Variants in CTNNA2 observed in about 807,000 individuals in gnomAD.
The protein encoded by CTNNA2 is catenin alpha-2.
A neutral mutation model predicts 101.0 loss-of-function variants in CTNNA2; 42 were observed. The observed-to-expected ratio is 0.42, with a 90% CI of 0.32 to 0.54. CTNNA2 has a LOEUF of 0.54. CTNNA2 is among the 20% of genes least tolerant of loss of function. The pLI is 0.14. For missense variants in CTNNA2, 871 were observed against 1,223.1 expected, an observed-to-expected ratio of 0.71 and a Z score of 4.29; for synonymous variants, 450 against 456.4, an observed-to-expected ratio of 0.99 and a Z score of 0.18.
At chr2:79,925,123 A>C (rs1261588140) in intron 7 of CTNNA2, among the ~76,000 whole-genome samples, 1 of 152,052 alleles carries the variant, frequency 6.6e-6, no homozygotes, top group Non-Finnish European at 1.5e-5. Context: ...TAGAACCACA[A>C]GATCCTTGTA....
intron 7 of CTNNA2, among the ~76,000 whole-genome samples, chr2:80,246,563 G>A (rs956426063): frequency 1.4e-4 from 22 of 152,174 alleles, no homozygotes; most frequent in African/African-American, 5.3e-4. Context: ...TTCAGTAGTT[G>A]CGCTCAAATG....
intron 11 of CTNNA2, among the ~76,000 whole-genome samples, chr2:80,546,318 T>G (rs1444399842): frequency 6.6e-5 from 10 of 152,192 alleles, no homozygotes; most frequent in Non-Finnish European, 1.5e-5. Flanking sequence ...TTTTAGTGTT[T>G]GGAGTTTATA....
rs1366382733 is a variant in CTNNA2 at position 79,487,340 on chromosome 2, A to G, written c.-134-17714A>G. 3.3e-5 allele frequency among the ~76,000 whole-genome samples: 5 copies of G among 152,338 alleles called. No individual in the cohort carries two copies. In the East Asian group the frequency reaches 9.6e-4, roughly 29 times the overall value. Reference sequence around the variant, plus strand: ...GAATTCCGCCAATTTGTTTCTTTTCATATAAACATGCTGCTTCTCATATAA... The same window carrying G: ...GAATTCCGCCAATTTGTTTCTTTTCGTATAAACATGCTGCTTCTCATATAA... On this transcript the variant is annotated intron_variant, in intron 4 of 21. Transcript: ENST00000466387.
chr2:80,575,277 G>C (rs1237080697), intron 13 of CTNNA2: 11 of 152,076 alleles, frequency 7.2e-5, no homozygotes, highest in Non-Finnish European at 2.9e-5. Flanking sequence ...AAATATTCTA[G>C]TAAACACACT....
At chr2:80,480,367 A>G (rs1456898336) in intron 9 of CTNNA2, among the ~76,000 whole-genome samples, 2 of 152,022 alleles carry the variant, frequency 1.3e-5, no homozygotes, top group Admixed American at 6.6e-5. Context: ...TCAGACCTAT[A>G]AAATAAAAGC....
chr2:79,643,490 C>T (rs1314680413), intron 1 of CTNNA2, among the ~76,000 whole-genome samples: 1 of 152,076 alleles, frequency 6.6e-6, no homozygotes, highest in African/African-American at 2.4e-5. Flanking sequence ...TGGGGTGGGT[C>T]CCGGAATTTG....
intron 1 of CTNNA2, among the ~76,000 whole-genome samples, chr2:79,611,322 A>T (rs1331622713): frequency 1.3e-5 from 2 of 152,076 alleles, no homozygotes; most frequent in Non-Finnish European, 2.9e-5. Context: ...TAACTTCCAT[A>T]CTTTTCTGTT....
chr2:80,384,161 A>G (rs1040211678), intron 7 of CTNNA2, among the ~76,000 whole-genome samples: 1 of 152,172 alleles, frequency 6.6e-6, no homozygotes, highest in Non-Finnish European at 1.5e-5. Flanking sequence ...GTTGAGGTCT[A>G]CTTGAGGGTG....
chr2:79,242,081 A>AT, intron 2 of CTNNA2, among the ~76,000 whole-genome samples: 1 of 151,574 alleles, frequency 6.6e-6, no homozygotes, highest in South Asian at 2.1e-4. Context: ...AATTTTTTGT[A>AT]TTTTTTAGTA....
At chr2:79,619,326 C>T (rs1678849729) in intron 1 of CTNNA2, among the ~76,000 whole-genome samples, 1 of 152,194 alleles carries the variant, frequency 6.6e-6, no homozygotes, top group Non-Finnish European at 1.5e-5. Context: ...TGGCCAGGTC[C>T]TCCACCAAGA....
At chr2:79,506,309 T>G (rs968409281) in intron 5 of CTNNA2, among the ~76,000 whole-genome samples, 1 of 151,302 alleles carries the variant, frequency 6.6e-6, no homozygotes, top group East Asian at 2.0e-4. Context: ...GGTGCATGTG[T>G]TACAAGTTAA....
At chr2:79,783,564 G>A (rs954331450) in intron 3 of CTNNA2, among the ~76,000 whole-genome samples, 2 of 152,140 alleles carry the variant, frequency 1.3e-5, no homozygotes, top group Admixed American at 6.5e-5. Context: ...GGAATCTTCA[G>A]TGGGAAGAGT....
chr2:79,762,452 C>T (rs1035003936), intron 3 of CTNNA2, among the ~76,000 whole-genome samples: 2 of 152,054 alleles, frequency 1.3e-5, no homozygotes, highest in Admixed American at 1.3e-4. Context: ...CATGACATTG[C>T]GTAAAAGGTG....
At chr2:80,218,500 G>T (rs1050242649) in intron 7 of CTNNA2, among the ~76,000 whole-genome samples, 3 of 152,242 alleles carry the variant, frequency 2.0e-5, no homozygotes, top group Non-Finnish European at 2.9e-5. Context: ...TAGAAAGGCA[G>T]TACAACAAAG....
At chr2:79,425,490 G>A (rs1678583283) in intron 4 of CTNNA2, among the ~76,000 whole-genome samples, 1 of 152,122 alleles carries the variant, frequency 6.6e-6, no homozygotes, top group Non-Finnish European at 1.5e-5. Flanking sequence ...TCTGGTAAGG[G>A]CTTCATTCTC....
intron 3 of CTNNA2, among the ~76,000 whole-genome samples, chr2:79,363,661 A>G (rs1371144492): frequency 6.6e-6 from 1 of 152,024 alleles, no homozygotes; most frequent in Non-Finnish European, 1.5e-5. Context: ...ACACTTGGTT[A>G]GGGACCATCT....
chr2:79,714,763 T>A (rs115516386), intron 2 of CTNNA2, among the ~76,000 whole-genome samples: 1 of 152,318 alleles, frequency 6.6e-6, no homozygotes, highest in African/African-American at 2.4e-5. Context: ...AGAAACTCCT[T>A]GAATTCTTTA....
intron 9 of CTNNA2, among the ~76,000 whole-genome samples, chr2:80,464,982 C>G (rs2117277): frequency 6.6e-6 from 1 of 152,050 alleles, no homozygotes; most frequent in East Asian, 1.9e-4. Context: ...ATGGCATAAA[C>G]CCTCATAAAT....
intron 3 of CTNNA2, among the ~76,000 whole-genome samples, chr2:79,829,412 C>CACACAG (rs1678713752): frequency 1.6e-5 from 2 of 127,212 alleles, no homozygotes; most frequent in Admixed American, 7.8e-5. Flanking sequence ...CACACACACA[C>CACACAG]ACAGACACAA....
Sources: allele counts gnomAD v4.1 joint callset (sites outside exome capture counted in the v4.1 genomes callset), GRCh38; gene constraint gnomAD v4.1.1; transcripts MANE v1.5; gene names NCBI Gene and HGNC (gene_info 2026-07-23, HGNC 2026-07-21).